Variants in DIAPH2 observed in about 807,000 individuals in gnomAD.
DIAPH2 encodes diaphanous related formin 2.
DIAPH2 carries 35 observed loss-of-function variants against 92.7 expected under a neutral mutation model. That is an observed-to-expected ratio of 0.38 (90% confidence interval 0.29 to 0.50). The LOEUF is 0.50. DIAPH2 is among the 20% of genes least tolerant of loss of function. The pLI is 0.94. For synonymous variants in DIAPH2, 301 were observed against 280.4 expected, an observed-to-expected ratio of 1.07 and a Z score of -0.73; for missense variants, 701 against 819.5, an observed-to-expected ratio of 0.86 and a Z score of 1.77.
intron 26 of DIAPH2, among the ~76,000 whole-genome samples, chrX:97,450,326 A>T (rs911738650): frequency 8.9e-6 from 1 of 111,897 alleles, no homozygotes; most frequent in African/African-American, 3.2e-5. Flanking sequence ...GGTATTCTAC[A>T]TGCCATAAAT....
At chrX:97,346,506 T>C (rs745996798) in intron 23 of DIAPH2, among the ~76,000 whole-genome samples, 1 of 110,833 alleles carries the variant, frequency 9.0e-6, no homozygotes, top group Admixed American at 9.7e-5. Context: ...CACCCATTGC[T>C]GGGTTTGTAG....
intron 4 of DIAPH2, 34 bp from the exon 5 acceptor site, chrX:96,881,545 A>G: frequency 8.7e-7 from 1 of 1,155,332 alleles, no homozygotes; most frequent in Non-Finnish European, 1.2e-6. Flanking sequence ...TTTTTGAAAC[A>G]TTGTCTAAAA....
chrX:97,120,787 A>G (rs999050319), intron 21 of DIAPH2, among the ~76,000 whole-genome samples: 1 of 110,223 alleles, frequency 9.1e-6, no homozygotes, highest in African/African-American at 3.3e-5. Flanking sequence ...AGGCCATTAC[A>G]TGGTATTAGT....
chrX:97,201,131 A>AC (rs58996513), intron 22 of DIAPH2, among the ~76,000 whole-genome samples: 2,446 of 68,741 alleles, frequency 0.036, 51 homozygotes, highest in African/African-American at 0.049. Context: ...AACAAGAAAG[A>AC]CCCCCCCCCC....
At chrX:96,739,131 G>T (rs1231268768) in intron 3 of DIAPH2, among the ~76,000 whole-genome samples, 1 of 111,422 alleles carries the variant, frequency 9.0e-6, no homozygotes, top group Admixed American at 9.6e-5. Context: ...AAGGTCTCTT[G>T]TTGGGTATAT....
intron 22 of DIAPH2, among the ~76,000 whole-genome samples, chrX:97,170,564 G>A (rs2067444731): frequency 9.0e-6 from 1 of 111,580 alleles, no homozygotes; most frequent in African/African-American, 3.3e-5. Flanking sequence ...CAAGATTGGA[G>A]GAGATTGAAG....
chrX:96,937,825 A>C lies in DIAPH2; in HGVS notation c.1208+474A>C, dbSNP rs1182527733. On this transcript the variant is annotated intron_variant, in intron 11 of 26. Coordinates refer to ENST00000324765, the MANE Select transcript of DIAPH2 (RefSeq NM_006729.5). ...TAACAAAAATGTTTAGATGCAATAG[A>C]ATCTGAATATAGCAAAGCTATGTGG... Among the ~76,000 whole-genome samples the C allele has an allele frequency of 3.6e-5, 4 of 112,244 alleles. No homozygotes were observed. In the East Asian group the frequency reaches 1.1e-3, roughly 31 times the overall value.
intron 24 of DIAPH2, among the ~76,000 whole-genome samples, chrX:97,370,499 G>A (rs975419817): frequency 8.9e-6 from 1 of 111,864 alleles, no homozygotes; most frequent in Non-Finnish European, 1.9e-5. Flanking sequence ...CAGTATATGA[G>A]GTGTAACTGT....
intron 4 of DIAPH2, among the ~76,000 whole-genome samples, chrX:96,872,915 G>A (rs2065153453): frequency 8.9e-6 from 1 of 111,932 alleles, no homozygotes; most frequent in African/African-American, 3.2e-5. Flanking sequence ...TTGATATACT[G>A]ATTCTTTCTT....
chrX:97,399,326 A>G (rs549066933), intron 25 of DIAPH2, among the ~76,000 whole-genome samples: 369 of 111,429 alleles, frequency 3.3e-3, no homozygotes, highest in African/African-American at 0.011. Flanking sequence ...GGTGGAAGTT[A>G]GCCATCTCTT....
At chrX:97,051,519 CT>C (rs1297761037) in intron 17 of DIAPH2, among the ~76,000 whole-genome samples, 17 of 97,874 alleles carry the variant, frequency 1.7e-4, no homozygotes, top group East Asian at 3.2e-4. Context: ...GTTTTTTTTT[CT>C]TTTTTTTTTT....
intron 17 of DIAPH2, among the ~76,000 whole-genome samples, chrX:97,020,904 A>T (rs1384572129): frequency 8.9e-6 from 1 of 112,162 alleles, no homozygotes; most frequent in Non-Finnish European, 1.9e-5. Context: ...GAAACCATGG[A>T]TAAGGAGGGA....
intron 1 of DIAPH2, among the ~76,000 whole-genome samples, chrX:96,721,532 T>G (rs1471365050): frequency 1.8e-5 from 2 of 112,430 alleles, no homozygotes; most frequent in Non-Finnish European, 3.7e-5. Context: ...TTATGTAAAG[T>G]GATCTAGGAG....
At chrX:97,585,244 C>T (rs1371477936) in intron 26 of DIAPH2, among the ~76,000 whole-genome samples, 1 of 66,701 alleles carries the variant, frequency 1.5e-5, no homozygotes. Flanking sequence ...CCCTAGTGAG[C>T]TCCACTGACT....
intron 4 of DIAPH2, among the ~76,000 whole-genome samples, chrX:96,854,597 T>TTA (rs2065025656): frequency 1.6e-5 from 1 of 62,243 alleles, no homozygotes; most frequent in Non-Finnish European, 3.0e-5. Context: ...TCTCTCTCTC[T>TTA]CATATATATA....
chrX:97,583,675 G>A lies in DIAPH2; in HGVS notation c.3242-15578G>A, dbSNP rs865823307. On this transcript the variant is annotated intron_variant, in intron 26 of 26. Transcript: ENST00000324765. ...AGGTGGAGCCTACAGAGGCAGGCAG[G>A]CCTCCTTGAGCTGTGGTGGGCTCCA... Among the ~76,000 whole-genome samples, 620 of 111,721 alleles carry A rather than the reference G, an allele frequency of 5.5e-3. 4 individuals are homozygous for A. The highest frequency in any genetic ancestry group is 0.019 in the African/African-American group (597 of 30,812).
At chrX:97,213,576 A>G (rs746967722) in intron 22 of DIAPH2, among the ~76,000 whole-genome samples, 5 of 112,083 alleles carry the variant, frequency 4.5e-5, no homozygotes, top group Non-Finnish European at 9.4e-5. Flanking sequence ...AGATACTAAG[A>G]TGCAGCATAC....
chrX:97,484,905 G>GATTAAATA (rs1281054376), intron 26 of DIAPH2, among the ~76,000 whole-genome samples: 1 of 111,572 alleles, frequency 9.0e-6, no homozygotes, highest in East Asian at 2.8e-4. Flanking sequence ...GAAAAGAAAA[G>GATTAAATA]ATTAAATATC....
intron 23 of DIAPH2, among the ~76,000 whole-genome samples, chrX:97,342,491 G>A (rs1369393160): frequency 2.7e-5 from 3 of 112,368 alleles, no homozygotes; most frequent in Non-Finnish European, 3.8e-5. Flanking sequence ...AAGATGAAAT[G>A]AGTTAGTCCA....
Sources: gnomAD v4.1 joint callset for allele counts (sites outside exome capture counted in the v4.1 genomes callset) on GRCh38, gnomAD v4.1.1 for gene constraint, MANE v1.5 for transcripts, NCBI Gene and HGNC (gene_info 2026-07-23, HGNC 2026-07-21) for gene names.